Variants in WWC2 observed in about 807,000 individuals in gnomAD.
WWC2 encodes WW and C2 domain containing 2, also known as protein WWC2.
In WWC2, 101 loss-of-function variants were observed where a neutral mutation model predicts 138.5. The observed-to-expected ratio is 0.73, with a 90% CI of 0.62 to 0.86. WWC2 has a LOEUF of 0.86. WWC2 is among the 40% of genes least tolerant of loss of function. The pLI, the probability that WWC2 is intolerant of heterozygous loss-of-function variation, is 0.00. For missense variants in WWC2, 1,420 were observed against 1,419.4 expected, an observed-to-expected ratio of 1.00 and a Z score of -0.01; for synonymous variants, 558 against 538.4, an observed-to-expected ratio of 1.04 and a Z score of -0.50.
Position 183,248,878 on chromosome 4 carries a change from A to C in WWC2, c.879+18A>C. On this transcript the variant is annotated intron_variant, in intron 7 of 22. Coordinates refer to ENST00000403733, the MANE Select transcript of WWC2 (RefSeq NM_024949.6). The stretch of plus-strand genomic sequence containing the variant: ...CCGGAGATGTAAGTTATCTGTGCTG[A>C]AGAGTTGGCCCAGTGTTGTCCTTGA... 1 of 1,566,376 alleles carries C rather than the reference A, an allele frequency of 6.4e-7. No individual in the cohort carries two copies. The highest frequency in any genetic ancestry group is 1.2e-5 in the South Asian group (1 of 85,114).
intron 1 of WWC2, among the ~76,000 whole-genome samples, chr4:183,119,697 A>G (rs2152889754): frequency 6.6e-6 from 1 of 152,360 alleles, no homozygotes; most frequent in East Asian, 1.9e-4. Context: ...AAAAACACAG[A>G]TATAACTTAG....
chr4:183,248,934 T>G lies in WWC2; in HGVS notation c.879+74T>G, dbSNP rs1256558380. The stretch of plus-strand genomic sequence containing the variant: ...CTTAATTGCAATATGGATGGTGAAC[T>G]GGAACCAGAAGTATATGTGACTTGG... On this transcript the variant is annotated intron_variant, in intron 7 of 22. Coordinates refer to ENST00000403733, the MANE Select transcript of WWC2 (RefSeq NM_024949.6). 4.4e-6 allele frequency: 6 copies of G among 1,364,556 alleles called. No homozygotes were observed. The East Asian group carries it at 1.0e-4, about 23-fold the overall frequency. 84.5% of individuals were successfully genotyped at this position (1,364,556 alleles called of 1,614,324 possible).
At chr4:183,254,038 G>T in intron 9 of WWC2, 39 bp downstream of exon 9, 2 of 1,599,496 alleles carry the variant, frequency 1.3e-6, no homozygotes, top group East Asian at 4.5e-5. Flanking sequence ...CTTAACTCTT[G>T]TGGGGGTGTC....
At chr4:183,113,521 CGCGTGCGCGCGCACAT>C in intron 1 of WWC2, among the ~76,000 whole-genome samples, 1 of 146,630 alleles carries the variant, frequency 6.8e-6, no homozygotes, top group South Asian at 2.2e-4. Context: ...TGTGTGCGCG[CGCGTGCGCGCGCACAT>C]GCACGTGCAT....
rs1323458554 is a variant in WWC2, at chr4:183,269,604, G to A, written c.2400+441G>A. 9.4e-6 allele frequency: 4 copies of A among 425,228 alleles called. No homozygotes were observed. In the East Asian group the frequency reaches 2.9e-4, roughly 31 times the overall value. The allele number at this position is 425,228 out of a possible 1,614,324, so 26.3% of individuals were successfully genotyped here. ...TTCAGATAAGGAGCTGCTTAGAGAG[G>A]TAATATATTCAACGGTCATACAACT... On this transcript the variant is annotated intron_variant, in intron 15 of 22. Coordinates refer to ENST00000403733, the MANE Select transcript of WWC2 (RefSeq NM_024949.6).
intron 14 of WWC2, among the ~76,000 whole-genome samples, chr4:183,267,951 C>G (rs1481543517): frequency 1.3e-5 from 2 of 152,060 alleles, no homozygotes; most frequent in Non-Finnish European, 2.9e-5. Flanking sequence ...TTAATTGTGA[C>G]AAGCAGAAAA....
intron 14 of WWC2, among the ~76,000 whole-genome samples, chr4:183,268,765 T>A (rs912503806): frequency 6.6e-6 from 1 of 152,214 alleles, no homozygotes; most frequent in Non-Finnish European, 1.5e-5. Flanking sequence ...GGCCATTGCA[T>A]GCTCAGGGGC....
At chr4:183,201,276 TTTG>T (rs869063489) in intron 2 of WWC2, among the ~76,000 whole-genome samples, 6 of 151,840 alleles carry the variant, frequency 4.0e-5, no homozygotes, top group East Asian at 3.9e-4. Context: ...ATACAGTTTG[TTTG>T]TTTTTTTTCA....
At chr4:183,269,593 T>C (rs1487898063) in intron 15 of WWC2, 1 of 445,026 alleles carries the variant, frequency 2.2e-6, no homozygotes, top group African/African-American at 2.0e-5. Context: ...GATAAGGAGC[T>C]GCTTAGAGAG....
At chr4:183,196,954 A>T (rs1308315664) in intron 2 of WWC2, among the ~76,000 whole-genome samples, 1 of 152,000 alleles carries the variant, frequency 6.6e-6, no homozygotes, top group East Asian at 1.9e-4. Context: ...CATTTATATT[A>T]TTTTTTGTAT....
intron 1 of WWC2, among the ~76,000 whole-genome samples, chr4:183,156,112 C>T (rs1214803895): frequency 1.3e-5 from 2 of 151,958 alleles, no homozygotes; most frequent in Non-Finnish European, 2.9e-5. Context: ...TTGCAACCTC[C>T]ACATCCCAGG....
At chr4:183,137,026 G>C (rs1291947456) in intron 1 of WWC2, among the ~76,000 whole-genome samples, 1 of 152,142 alleles carries the variant, frequency 6.6e-6, no homozygotes, top group Admixed American at 6.6e-5. Context: ...TCTAAACATA[G>C]AAAAAGTACT....
chr4:183,212,370 C>G (rs956853769), intron 4 of WWC2, among the ~76,000 whole-genome samples: 9 of 152,116 alleles, frequency 5.9e-5, no homozygotes, highest in Non-Finnish European at 7.3e-5. Flanking sequence ...TCAGTCCATC[C>G]ATAATTCTCT....
At chr4:183,309,032 C>CA (rs1392783412) in intron 21 of WWC2, among the ~76,000 whole-genome samples, 4 of 152,118 alleles carry the variant, frequency 2.6e-5, no homozygotes, top group Non-Finnish European at 2.9e-5. Context: ...TATTCACATG[C>CA]AAAAAAACAT....
rs1194062165 is a variant in WWC2, at chr4:183,208,039, G to A, written c.328G>A (p.Ala110Thr). The A allele has an allele frequency of 6.2e-7, 1 of 1,613,870 alleles. No homozygotes were observed. Residue 110 changes from alanine to threonine, a missense_variant, in exon 3 of 23, where the codon GCC (alanine) becomes ACC (threonine). Ala to Thr is a moderately conservative substitution (Grantham distance 58). Transcript: ENST00000403733. ...LKDYLSVAQD[A>T]LRTQKELYHV... ...GGACTACCTCTCTGTGGCACAGGATGCCCTCCGGACACAGAAGGAACTGTA... is the reference window on the plus strand; with the variant it reads ...GGACTACCTCTCTGTGGCACAGGATACCCTCCGGACACAGAAGGAACTGTA...
chr4:183,155,115 G>C (rs1733760721), intron 1 of WWC2, among the ~76,000 whole-genome samples: 1 of 47,172 alleles, frequency 2.1e-5, no homozygotes, highest in African/African-American at 7.2e-5. Context: ...GAAAAAATTA[G>C]AAAAGTTAGA....
At chr4:183,127,457 A>T (rs1009964751) in intron 1 of WWC2, among the ~76,000 whole-genome samples, 1 of 152,198 alleles carries the variant, frequency 6.6e-6, no homozygotes, top group Non-Finnish European at 1.5e-5. Flanking sequence ...ATATATGGAG[A>T]ATGAAACAGT....
chr4:183,235,499 CCTT>C (rs752191406), intron 4 of WWC2, among the ~76,000 whole-genome samples: 2 of 152,132 alleles, frequency 1.3e-5, no homozygotes, highest in African/African-American at 4.8e-5. Context: ...TAGCAACTCT[CCTT>C]CTGTACACCT....
chr4:183,290,058 A>G (rs1354717704), intron 21 of WWC2, among the ~76,000 whole-genome samples: 1 of 152,210 alleles, frequency 6.6e-6, no homozygotes, highest in Admixed American at 6.5e-5. Flanking sequence ...TTTAAGGTTC[A>G]TTAACCACAT....
Sources: allele counts gnomAD v4.1 joint callset (sites outside exome capture counted in the v4.1 genomes callset), GRCh38; gene constraint gnomAD v4.1.1; transcripts MANE v1.5; gene names NCBI Gene and HGNC (gene_info 2026-07-23, HGNC 2026-07-21).